Variants in EPHB2 observed in about 807,000 individuals in gnomAD.
EPHB2 encodes the protein ephrin type-B receptor 2.
EPHB2 carries 18 observed loss-of-function variants against 96.4 expected under a neutral mutation model. The ratio of observed to expected loss-of-function variants is 0.19; its 90% CI spans 0.13 to 0.28. The LOEUF (loss-of-function observed/expected upper bound fraction) is 0.28, where lower values mean the gene tolerates loss of function less well. EPHB2 is among the 10% of genes least tolerant of loss of function. EPHB2 has a pLI of 1.00. For synonymous variants in EPHB2, 506 were observed against 534.1 expected (o/e 0.95, Z 0.72); for missense variants, 989 against 1,355.4 (o/e 0.73, Z 4.25).
intron 1 of EPHB2, among the ~76,000 whole-genome samples, chr1:22,746,682 C>G (rs1442610801): frequency 6.6e-6 from 1 of 152,232 alleles, no homozygotes; most frequent in Non-Finnish European, 1.5e-5. Context: ...CAATACACAT[C>G]TCTAAATCCT....
At chr1:22,772,836 G>C (rs144118628) in intron 1 of EPHB2, among the ~76,000 whole-genome samples, 1 of 152,214 alleles carries the variant, frequency 6.6e-6, no homozygotes, top group Non-Finnish European at 1.5e-5. Flanking sequence ...GCCTGGCAAC[G>C]ATAGCACTGG....
chr1:22,772,746 C>T lies in EPHB2; in HGVS notation c.62-8675C>T, dbSNP rs148892375. On this transcript the variant is annotated intron_variant, in intron 1 of 15. Coordinates refer to ENST00000374630, the MANE Select transcript of EPHB2 (RefSeq NM_017449.5). The stretch of plus-strand genomic sequence containing the variant: ...TAGGACTTGGGGCAGATCTCTGAGC[C>T]TCTGCAGTCTCAGTTTCCTCATCTG... Among the ~76,000 whole-genome samples, 762 of 152,260 alleles carry T rather than the reference C, an allele frequency of 5.0e-3. 7 individuals carry two copies. The highest frequency in any genetic ancestry group is 0.018 in the African/African-American group (728 of 41,556).
chr1:22,717,695 G>A (rs1027534041), intron 1 of EPHB2, among the ~76,000 whole-genome samples: 11 of 152,228 alleles, frequency 7.2e-5, no homozygotes, highest in Non-Finnish European at 1.0e-4. Flanking sequence ...ATTAGTTTCC[G>A]TAACCATTAA....
At position 22,752,951 on chromosome 1, in the gene EPHB2, G is replaced by GT. The variant is rs201819228; in HGVS notation, c.62-28458dup. ...GGTGCATGCCATCATGCTGGGCTAT[G>GT]TTTTTTTTTTTTGGAGACAGGATCT... On this transcript the variant is annotated intron_variant, in intron 1 of 15. Coordinates refer to ENST00000374630, the MANE Select transcript of EPHB2 (RefSeq NM_017449.5). Among the ~76,000 whole-genome samples, 1,220 of 144,264 alleles carry GT rather than the reference G, an allele frequency of 8.5e-3. 11 individuals carry two copies. Among genetic ancestry groups the GT allele is most frequent in the East Asian group, 0.046 (227 of 4,976 alleles). The allele number at this position is 144,264 out of a possible 152,430, so 94.6% of individuals were successfully genotyped here. A position where few individuals can be genotyped will look rare whatever the true frequency, so the allele number is the denominator to read the frequency against.
At chr1:22,863,887 A>C (rs1230550987) in intron 4 of EPHB2, among the ~76,000 whole-genome samples, 1 of 152,034 alleles carries the variant, frequency 6.6e-6, no homozygotes, top group African/African-American at 2.4e-5. Flanking sequence ...CACCACACCC[A>C]GCTAATTTTT....
At chr1:22,859,299 G>T (rs922419064) in intron 3 of EPHB2, among the ~76,000 whole-genome samples, 1 of 144,456 alleles carries the variant, frequency 6.9e-6, no homozygotes, top group East Asian at 2.0e-4. Flanking sequence ...GGGCCTGGTG[G>T]GGGGGGGGGT....
chr1:22,757,121 G>C (rs939627003), intron 1 of EPHB2, among the ~76,000 whole-genome samples: 10 of 152,110 alleles, frequency 6.6e-5, no homozygotes, highest in African/African-American at 2.4e-4. Flanking sequence ...GGTAGGGGGT[G>C]ATGGTGGGTG....
chr1:22,784,319 T>C lies in EPHB2; in HGVS notation c.127-73T>C. The stretch of plus-strand genomic sequence containing the variant: ...AGGGTTCCCTAAGGCAGAGTCTGTG[T>C]CTTCCACCTTAGACTGAGTGTGTGC... On this transcript the variant is annotated intron_variant, in intron 2 of 15. Coordinates refer to ENST00000374630, the MANE Select transcript of EPHB2 (RefSeq NM_017449.5). This position sits in a 1 kb window ranked among gnomAD's most constrained non-coding sequence, Gnocchi z 5.1. 2 of 1,456,422 alleles carry C rather than the reference T, an allele frequency of 1.4e-6. No homozygotes were observed. The highest frequency in any genetic ancestry group is 1.9e-6 in the Non-Finnish European group (2 of 1,042,370). The allele number at this position is 1,456,422 out of a possible 1,614,324, so 90.2% of individuals were successfully genotyped here. A position where few individuals can be genotyped will look rare whatever the true frequency, so the allele number is the denominator to read the frequency against.
intron 1 of EPHB2, among the ~76,000 whole-genome samples, chr1:22,737,375 T>C (rs1289787667): frequency 6.6e-6 from 1 of 152,216 alleles, no homozygotes; most frequent in Non-Finnish European, 1.5e-5. Context: ...ACCTGGCCCC[T>C]GAGGCCTTCT....
intron 3 of EPHB2, among the ~76,000 whole-genome samples, chr1:22,826,542 C>T (rs545733489): frequency 2.6e-5 from 4 of 152,372 alleles, no homozygotes; most frequent in African/African-American, 7.2e-5. Context: ...CATCCTTGCT[C>T]CTGGCATCGG....
At chr1:22,868,894 T>C (rs1638570319) in intron 5 of EPHB2, among the ~76,000 whole-genome samples, 1 of 152,186 alleles carries the variant, frequency 6.6e-6, no homozygotes, top group Admixed American at 6.5e-5. Context: ...AAGAACTATA[T>C]GTAAGCATGA....
chr1:22,788,536 C>T (rs949473274), intron 3 of EPHB2, among the ~76,000 whole-genome samples: 14 of 152,216 alleles, frequency 9.2e-5, no homozygotes, highest in Middle Eastern at 3.2e-3. Context: ...ATGGTGATTC[C>T]AGCTCACATC....
intron 1 of EPHB2, among the ~76,000 whole-genome samples, chr1:22,742,116 G>A (rs1643911650): frequency 6.6e-6 from 1 of 152,140 alleles, no homozygotes; most frequent in African/African-American, 2.4e-5. Flanking sequence ...TCCGACCCAG[G>A]CCCCTGCTCA....
chr1:22,855,028 C>T (rs765948830), intron 3 of EPHB2, among the ~76,000 whole-genome samples: 88 of 152,234 alleles, frequency 5.8e-4, no homozygotes, highest in Non-Finnish European at 1.0e-3. Context: ...AATGTAAGAG[C>T]CCAGCACTGG....
intron 7 of EPHB2, among the ~76,000 whole-genome samples, chr1:22,894,739 G>A (rs1463542891): frequency 6.6e-6 from 1 of 152,152 alleles, no homozygotes; most frequent in Admixed American, 6.5e-5. Context: ...CTTGGATCAA[G>A]CAGACCTGGG....
chr1:22,859,384 C>A (rs1466728924), intron 3 of EPHB2, among the ~76,000 whole-genome samples: 4 of 151,670 alleles, frequency 2.6e-5, no homozygotes, highest in Non-Finnish European at 5.9e-5. Context: ...CCCCCTGGGG[C>A]CCAGGGGCCC....
intron 3 of EPHB2, among the ~76,000 whole-genome samples, chr1:22,819,234 TC>T (rs1188807054): frequency 6.6e-6 from 1 of 150,834 alleles, no homozygotes; most frequent in African/African-American, 2.4e-5. Context: ...TCTCTCTCTC[TC>T]TCTCTCTCTC....
At position 22,876,135 on chromosome 1, in the gene EPHB2, T is replaced by A. The variant is rs112462600; in HGVS notation, c.1304-6224T>A. ...AGGGAGTGAAGACATCAGGGAGACA[T>A]TGGGATCTGCAAGTCTGGGGCTTGG... On this transcript the variant is annotated intron_variant, in intron 5 of 15. Transcript: ENST00000374630. 6.6e-5 allele frequency among the ~76,000 whole-genome samples: 10 copies of A among 152,206 alleles called. 1 individual carries two copies. Among genetic ancestry groups the A allele is most frequent in the African/African-American group, 2.4e-4 (10 of 41,536 alleles).
At chr1:22,801,919 A>G (rs999727451) in intron 3 of EPHB2, among the ~76,000 whole-genome samples, 3 of 152,218 alleles carry the variant, frequency 2.0e-5, no homozygotes, top group African/African-American at 7.2e-5. Context: ...AGGAGCGGAC[A>G]GGGAGAGTGA....
Sources: allele counts gnomAD v4.1 joint callset (sites outside exome capture counted in the v4.1 genomes callset), GRCh38; gene constraint gnomAD v4.1.1; non-coding constraint Gnocchi (gnomAD v3.1); transcripts MANE v1.5; gene names NCBI Gene and HGNC (gene_info 2026-07-23, HGNC 2026-07-21).